POLH: variants seen among roughly 807,000 people sequenced by gnomAD.
POLH encodes DNA polymerase eta, also known as DNA polymerase eta transcript.
A neutral mutation model predicts 73.6 loss-of-function variants in POLH; 53 were observed. The observed-to-expected ratio is 0.72, with a 90% CI of 0.58 to 0.91. The LOEUF is 0.91. Ranked by LOEUF, POLH falls within the 40% of genes least tolerant of loss-of-function variation. The pLI, the probability that POLH is intolerant of heterozygous loss-of-function variation, is 0.00. For missense variants in POLH, 768 were observed against 865.4 expected (o/e 0.89, Z 1.41); for synonymous variants, 292 against 308.5 (o/e 0.95, Z 0.56).
chr6:43,609,132 C>A (rs1767617957), intron 9 of POLH, among the ~76,000 whole-genome samples: 1 of 152,158 alleles, frequency 6.6e-6, no homozygotes, highest in Non-Finnish European at 1.5e-5. Context: ...CCTATCACAG[C>A]AGCAGCCTCC....
rs1240951682 is a variant in POLH, at chr6:43,583,066, A to G, written c.197A>G (p.Asp66Gly). The change falls in exon 3 of 11, where the codon GAT (aspartate) becomes GGT (glycine). Residue 66 changes from aspartate to glycine, a missense_variant. Transcript: ENST00000372236. ...AFGVTRSMWADDAKKLCPDLL... is the reference protein window; with the variant it reads ...AFGVTRSMWAGDAKKLCPDLL... ...GGAGTCACTAGAAGTATGTGGGCAG[A>G]TGATGCTAAGAAGTTATGTCCAGAT... 3.7e-6 allele frequency: 6 copies of G among 1,613,646 alleles called. No individual in the cohort carries two copies. The Admixed American group carries it at 8.3e-5, about 22-fold the overall frequency.
At chr6:43,604,533 CAATAT>C in intron 7 of POLH, 77 bp from the exon 8 acceptor site, 1 of 1,428,550 alleles carries the variant, frequency 7.0e-7, no homozygotes, top group Non-Finnish European at 9.8e-7. Context: ...GATAAAAGGG[CAATAT>C]AATATAGTTA....
In POLH at chr6:43,597,757, C is replaced by G. The variant is rs750908181; in HGVS notation, c.552C>G (p.Thr184=). Residue 184 remains threonine, a synonymous_variant, in exon 5 of 11, where the codon ACC becomes ACG. Coordinates refer to ENST00000372236, the MANE Select transcript of POLH (RefSeq NM_006502.3). The part of the protein sequence containing the change: ...WLDSLQIDNL[T]SPDLQLTVGA... Reference sequence around the variant, plus strand: ...ATTCTCTTCAGATTGATAACCTCACCTCTCCAGACCTGCAGCTCACCGTGG... The same window carrying G: ...ATTCTCTTCAGATTGATAACCTCACGTCTCCAGACCTGCAGCTCACCGTGG... The G allele has an allele frequency of 7.4e-6, 12 of 1,613,848 alleles. No homozygotes were observed. The highest frequency in any genetic ancestry group is 8.5e-6 in the Non-Finnish European group (10 of 1,179,870).
At chr6:43,597,076 C>T (rs940759701) in intron 4 of POLH, among the ~76,000 whole-genome samples, 2 of 152,070 alleles carry the variant, frequency 1.3e-5, no homozygotes, top group African/African-American at 4.8e-5. Context: ...AAAGAAAATT[C>T]AAGAGAACTG....
chr6:43,582,709 G>A (rs1227274194), intron 2 of POLH, among the ~76,000 whole-genome samples: 1 of 152,034 alleles, frequency 6.6e-6, no homozygotes, highest in Admixed American at 6.6e-5. Flanking sequence ...TTGGGGGGTG[G>A]GTAGAGATGG....
chr6:43,576,432 G>A lies in POLH; in HGVS notation c.-13G>A, dbSNP rs1275075707. ...CTGCTGGCAGTTTTGCCAGGTGTTT[G>A]TTACCTTGGTAAGAAAATTTAGAAC... On this transcript the variant is annotated 5_prime_UTR_variant, in exon 1 of 11. Coordinates refer to ENST00000372236, the MANE Select transcript of POLH (RefSeq NM_006502.3). 1 of 152,262 alleles carries A rather than the reference G, an allele frequency of 6.6e-6. No individual in the cohort carries two copies. The highest frequency in any genetic ancestry group is 1.5e-5 in the Non-Finnish European group (1 of 68,058). The allele number at this position is 152,262 out of a possible 1,614,324, so 9.4% of individuals were successfully genotyped here. A position where few individuals can be genotyped will look rare whatever the true frequency, so the allele number is the denominator to read the frequency against.
intron 1 of POLH, among the ~76,000 whole-genome samples, chr6:43,577,604 GT>G (rs1350844635): frequency 1.3e-5 from 2 of 151,476 alleles, no homozygotes; most frequent in African/African-American, 4.9e-5. Flanking sequence ...CTTTGCAGTT[GT>G]AAGACGTTTT....
At position 43,610,855 on chromosome 6, in the gene POLH, T is replaced by A. The variant is rs1371150548; in HGVS notation, c.1244+132T>A. 1.5e-5 allele frequency: 11 copies of A among 739,416 alleles called. No individual in the cohort carries two copies. The South Asian group carries it at 1.7e-4, about 11-fold the overall frequency. 45.8% of individuals were successfully genotyped at this position (739,416 alleles called of 1,614,324 possible). A position where few individuals can be genotyped will look rare whatever the true frequency, so the allele number is the denominator to read the frequency against. ...CACTCAAATTTTCACATGAGCTGAATTTCAGAAGATGAAATATGCTTTTAT... is the reference window on the plus strand; with the variant it reads ...CACTCAAATTTTCACATGAGCTGAAATTCAGAAGATGAAATATGCTTTTAT... On this transcript the variant is annotated intron_variant, in intron 10 of 10. Transcript: ENST00000372236.
At position 43,582,409 on chromosome 6, in the gene POLH, G is replaced by T. The variant is rs368375817; in HGVS notation, c.90G>T (p.Arg30Ser). ...AGCAGCGGCAAAATCCTCATTTGAG[G>T]AATAAACCTTGTGCAGTTGTACAGT... ...QVEQRQNPHL[R>S]NKPCAVVQYK... Residue 30 changes from arginine to serine, a missense_variant, in exon 2 of 11, where the codon AGG becomes AGT. By Grantham distance (110) the Arg-to-Ser change is moderately radical. Transcript: ENST00000372236. 6.2e-7 allele frequency: 1 copy of T among 1,613,940 alleles called. No individual in the cohort carries two copies. The highest frequency in any genetic ancestry group is 1.3e-5 in the African/African-American group (1 of 74,928).
chr6:43,579,124 T>C (rs1763727351), intron 1 of POLH, among the ~76,000 whole-genome samples: 1 of 152,146 alleles, frequency 6.6e-6, no homozygotes, highest in East Asian at 1.9e-4. Flanking sequence ...CGTTATAATG[T>C]TGGAGCTCTT....
At position 43,599,008 on chromosome 6, in the gene POLH, A is replaced by C. The variant is rs557458382; in HGVS notation, c.660+1143A>C. The stretch of plus-strand genomic sequence containing the variant: ...TTTTTTTTTTTTTTTTTTTTTTTTG[A>C]GATGGAGTCTCGCCCTGTTGCCCAG... On this transcript the variant is annotated intron_variant, in intron 5 of 10. Coordinates refer to ENST00000372236, the MANE Select transcript of POLH (RefSeq NM_006502.3). Among the ~76,000 whole-genome samples, 185 of 73,480 alleles carry C rather than the reference A, an allele frequency of 2.5e-3. 1 individual carries two copies. Among genetic ancestry groups the C allele is most frequent in the African/African-American group, 9.3e-3 (166 of 17,910 alleles). The allele number at this position is 73,480 out of a possible 152,430, so 48.2% of individuals were successfully genotyped here. A position where few individuals can be genotyped will look rare whatever the true frequency, so the allele number is the denominator to read the frequency against.
chr6:43,597,875 A>C lies in POLH; in HGVS notation c.660+10A>C, dbSNP rs56056074. ...AATTTCACACAATAAGGTGAAGGCT[A>C]ATAGTAGATTTCAAAGAGAAACATT... On this transcript the variant is annotated intron_variant, in intron 5 of 10. Coordinates refer to ENST00000372236, the MANE Select transcript of POLH (RefSeq NM_006502.3). 1,536 of 1,603,170 alleles carry C rather than the reference A, an allele frequency of 9.6e-4. 24 individuals carry two copies. In the South Asian group the frequency reaches 0.016, roughly 17 times the overall value.
At chr6:43,611,426 C>T (rs1260287356) in intron 10 of POLH, among the ~76,000 whole-genome samples, 1 of 152,178 alleles carries the variant, frequency 6.6e-6, no homozygotes, top group African/African-American at 2.4e-5. Context: ...TGGTATTATA[C>T]CAAATGTCAT....
intron 4 of POLH, among the ~76,000 whole-genome samples, chr6:43,591,601 G>A (rs1304997028): frequency 6.6e-6 from 1 of 150,490 alleles, no homozygotes; most frequent in African/African-American, 2.4e-5. Flanking sequence ...TTACAGGCAT[G>A]AGCCACCGCA....
At chr6:43,590,078 G>T (rs1484491449) in intron 4 of POLH, among the ~76,000 whole-genome samples, 2 of 151,642 alleles carry the variant, frequency 1.3e-5, no homozygotes, top group African/African-American at 4.8e-5. Flanking sequence ...TGCTTTTGTG[G>T]CTGGGTGCGG....
chr6:43,603,902 G>A lies in POLH; in HGVS notation c.775G>A (p.Gly259Arg), dbSNP rs1767002680. The A allele has an allele frequency of 1.9e-6, 3 of 1,613,496 alleles. No homozygotes were observed. Among genetic ancestry groups the A allele is most frequent in the Admixed American group, 1.7e-5 (1 of 59,994 alleles). The part of the protein sequence containing the change: ...QMPIRKIRSL[G>R]GKLGASVIEI... ...CTCCTTTGTTATCAGCCGTAGTCTT[G>A]GAGGAAAGCTAGGGGCCTCTGTCAT... The change falls in exon 7 of 11, where the codon GGA becomes AGA. Residue 259 changes from glycine (G) to arginine (R), a missense_variant. Coordinates refer to ENST00000372236, the MANE Select transcript of POLH (RefSeq NM_006502.3).
Position 43,616,279 on chromosome 6 carries a change from C to CA in POLH, c.*1738dup, listed in dbSNP as rs895274732. ...TGGGTGACAGAGCGAGACTCCGTCT[C>CA]AAAAAAAAAAAAAAAAGAAAAACTT... On this transcript the variant is annotated 3_prime_UTR_variant, in exon 11 of 11. Coordinates refer to ENST00000372236, the MANE Select transcript of POLH (RefSeq NM_006502.3). Among the ~76,000 whole-genome samples, 3,966 of 73,792 alleles carry CA rather than the reference C, an allele frequency of 0.054. 62 individuals are homozygous for CA. Among genetic ancestry groups the CA allele is most frequent in the South Asian group, 0.076 (161 of 2,114 alleles). 48.4% of individuals were successfully genotyped at this position (73,792 alleles called of 152,430 possible).
rs938611309 is a variant in POLH at position 43,616,429 on chromosome 6, A to G, written c.*1872A>G. ...GGCAAGGTGGCAAAACCCCGTCTCT[A>G]CTAAAAAAAATTAGCTGGGCTTGGT... On this transcript the variant is annotated 3_prime_UTR_variant, in exon 11 of 11. Coordinates refer to ENST00000372236, the MANE Select transcript of POLH (RefSeq NM_006502.3). Among the ~76,000 whole-genome samples the G allele has an allele frequency of 6.6e-5, 10 of 151,330 alleles. No individual in the cohort carries two copies. Among genetic ancestry groups the G allele is most frequent in the African/African-American group, 2.4e-4 (10 of 41,096 alleles).
chr6:43,591,993 T>G (rs1408115446), intron 4 of POLH, among the ~76,000 whole-genome samples: 2 of 152,190 alleles, frequency 1.3e-5, no homozygotes, highest in African/African-American at 2.4e-5. Context: ...TTCTTACCTA[T>G]GTACATTTTT....
Sources: allele counts gnomAD v4.1 joint callset (sites outside exome capture counted in the v4.1 genomes callset), GRCh38; gene constraint gnomAD v4.1.1; transcripts MANE v1.5; gene names NCBI Gene and HGNC (gene_info 2026-07-23, HGNC 2026-07-21).